The following COL4A1 variants were observed in gnomAD, a reference collection of about 807,000 sequenced individuals.
COL4A1 encodes the protein collagen alpha-1(IV) chain.
Under a neutral mutation model 216.6 loss-of-function variants are expected in COL4A1, and 40 were observed. That is an observed-to-expected ratio of 0.18 (90% CI 0.14 to 0.24). COL4A1 has a LOEUF of 0.24. Ranked by LOEUF, COL4A1 falls within the 10% of genes least tolerant of loss-of-function variation. The pLI is 1.00. For synonymous variants in COL4A1, 839 were observed against 810.7 expected, an observed-to-expected ratio of 1.03 and a Z score of -0.59; for missense variants, 1,628 against 2,196.8, an observed-to-expected ratio of 0.74 and a Z score of 5.18.
chr13:110,277,749 C>G (rs1883482837), intron 1 of COL4A1, among the ~76,000 whole-genome samples: 1 of 152,212 alleles, frequency 6.6e-6, no homozygotes, highest in African/African-American at 2.4e-5. Context: ...CTTTGCAGAG[C>G]TGACCCTTGG....
chr13:110,232,933 G>C (rs16975708), intron 2 of COL4A1, among the ~76,000 whole-genome samples: 4 of 152,156 alleles, frequency 2.6e-5, no homozygotes, highest in East Asian at 3.9e-4. Context: ...CAGATTTTAC[G>C]GTGGGCAGAA....
At chr13:110,288,261 T>C (rs1169648927) in intron 1 of COL4A1, among the ~76,000 whole-genome samples, 1 of 115,402 alleles carries the variant, frequency 8.7e-6, no homozygotes. Flanking sequence ...AAACTCCCTC[T>C]CAAAAAAAAA....
chr13:110,287,998 T>C (rs1291487023), intron 1 of COL4A1, among the ~76,000 whole-genome samples: 1 of 150,012 alleles, frequency 6.7e-6, no homozygotes, highest in Non-Finnish European at 1.5e-5. Flanking sequence ...GGCTCACGCC[T>C]GTAATCTCAG....
At chr13:110,228,558 C>A (rs1264413911) in intron 2 of COL4A1, among the ~76,000 whole-genome samples, 1 of 152,162 alleles carries the variant, frequency 6.6e-6, no homozygotes, top group Admixed American at 6.5e-5. Context: ...CTTTGAAACA[C>A]AGGGAAGACA....
At chr13:110,289,401 C>A (rs1394349045) in intron 1 of COL4A1, among the ~76,000 whole-genome samples, 2 of 152,146 alleles carry the variant, frequency 1.3e-5, no homozygotes, top group Admixed American at 6.5e-5. Flanking sequence ...GCAATCAACT[C>A]GTTCCTGTGA....
chr13:110,150,481 T>A, intron 51 of COL4A1, 37 bp from the exon 52 acceptor site: 1 of 1,596,642 alleles, frequency 6.3e-7, no homozygotes, highest in Non-Finnish European at 8.6e-7. Flanking sequence ...TTGGCCATCA[T>A]CTCACAGCAC....
At chr13:110,282,477 G>A (rs1333668056) in intron 1 of COL4A1, among the ~76,000 whole-genome samples, 2 of 152,158 alleles carry the variant, frequency 1.3e-5, no homozygotes, top group South Asian at 2.1e-4. Context: ...ATCCACGCAA[G>A]TCACCCTGTC....
chr13:110,266,735 G>A (rs1220120537), intron 1 of COL4A1, among the ~76,000 whole-genome samples: 1 of 152,182 alleles, frequency 6.6e-6, no homozygotes, highest in African/African-American at 2.4e-5. Flanking sequence ...GTCTAACGCT[G>A]ACATGTTCAG....
chr13:110,277,901 A>T (rs1883486623), intron 1 of COL4A1, among the ~76,000 whole-genome samples: 1 of 152,106 alleles, frequency 6.6e-6, no homozygotes, highest in African/African-American at 2.4e-5. Context: ...CTTAATTCCC[A>T]TATCATCTTT....
intron 51 of COL4A1, 70 bp downstream of exon 51, chr13:110,152,264 A>T: frequency 6.3e-7 from 1 of 1,594,864 alleles, no homozygotes; most frequent in Admixed American, 1.7e-5. Context: ...GGTGTTACGG[A>T]TCGCGGATGA....
At chr13:110,150,745 T>C in intron 51 of COL4A1, among the ~76,000 whole-genome samples, 1 of 152,194 alleles carries the variant, frequency 6.6e-6, no homozygotes, top group Admixed American at 6.5e-5. Flanking sequence ...GCCTTGGCCA[T>C]TCCCCTCTGT....
In COL4A1 at chr13:110,167,151, G is replaced by A. The variant is rs760157183; in HGVS notation, c.3949+7C>T. The A allele has an allele frequency of 5.0e-6, 8 of 1,612,210 alleles. No individual in the cohort carries two copies. Among genetic ancestry groups the A allele is most frequent in the Middle Eastern group, 1.6e-4 (1 of 6,074 alleles). Reference sequence around the variant, plus strand: ...AAGGCTGTGCAGCAAGGTCTGTGCTGTCTTACCTTGAAATCCTGGAACTCC... The same window carrying A: ...AAGGCTGTGCAGCAAGGTCTGTGCTATCTTACCTTGAAATCCTGGAACTCC... On this transcript the variant is annotated splice_region_variant and intron_variant, in intron 44 of 51. Transcript: ENST00000375820.
At chr13:110,186,701 C>A (rs763972268) in intron 25 of COL4A1, 148 bp from the exon 26 acceptor site, 4 of 969,862 alleles carry the variant, frequency 4.1e-6, no homozygotes, top group Non-Finnish European at 6.1e-6. Flanking sequence ...CCAGGAGGGC[C>A]ACCTTGTAGT....
At chr13:110,209,151 G>A (rs559425189) in intron 11 of COL4A1, among the ~76,000 whole-genome samples, 1 of 7,486 alleles carries the variant, frequency 1.3e-4, no homozygotes, top group South Asian at 0.12. Flanking sequence ...GAAAACTAAG[G>A]GAAATATCAG....
At chr13:110,210,679 CCAGAT>C (rs1327896553) in intron 8 of COL4A1, among the ~76,000 whole-genome samples, 1 of 152,198 alleles carries the variant, frequency 6.6e-6, no homozygotes, top group Non-Finnish European at 1.5e-5. Context: ...AAACACCAGA[CCAGAT>C]GTTTCTGTGA....
At chr13:110,188,812 C>G (rs938206612) in intron 24 of COL4A1, among the ~76,000 whole-genome samples, 7 of 152,172 alleles carry the variant, frequency 4.6e-5, no homozygotes, top group Non-Finnish European at 7.4e-5. Flanking sequence ...TGCTTCCTAA[C>G]AGCTGAAACA....
intron 23 of COL4A1, among the ~76,000 whole-genome samples, chr13:110,192,513 GC>G (rs1270654159): frequency 6.6e-6 from 1 of 152,028 alleles, no homozygotes; most frequent in African/African-American, 2.4e-5. Flanking sequence ...CCCCACACCT[GC>G]CCCCCTGCCC....
At chr13:110,201,265 A>G in intron 19 of COL4A1, 173 bp downstream of exon 19, 1 of 505,406 alleles carries the variant, frequency 2.0e-6, no homozygotes, top group South Asian at 2.0e-5. Flanking sequence ...GAAGAGGAGA[A>G]AGAGGAGGAG....
intron 2 of COL4A1, among the ~76,000 whole-genome samples, chr13:110,219,844 G>GTGTATATA (rs1566385713): frequency 0.025 from 2,939 of 118,824 alleles, 121 homozygotes; most frequent in Middle Eastern, 0.043. Context: ...ATGTATATAT[G>GTGTATATA]TGTATATATA....
Sources: allele counts gnomAD v4.1 joint callset (sites outside exome capture counted in the v4.1 genomes callset), GRCh38; gene constraint gnomAD v4.1.1; transcripts MANE v1.5; gene names NCBI Gene and HGNC (gene_info 2026-07-23, HGNC 2026-07-21).